The following PDZRN4 variants were observed in gnomAD, a reference collection of about 807,000 sequenced individuals.
The protein encoded by PDZRN4 is PDZ domain-containing RING finger protein 4.
Under a neutral mutation model 99.0 loss-of-function variants are expected in PDZRN4, and 70 were observed. The ratio of observed to expected loss-of-function variants is 0.71; its 90% CI spans 0.58 to 0.86. The LOEUF is 0.86. Among genes scored for constraint, PDZRN4 ranks in the 40% least tolerant of loss-of-function variants. The probability of loss-of-function intolerance (pLI) is 0.00; values close to 1 mark genes in which losing one functional copy is unlikely to be tolerated. For missense variants in PDZRN4, 1,474 were observed against 1,331.2 expected, an observed-to-expected ratio of 1.11 and a Z score of -1.67; for synonymous variants, 551 against 501.6, an observed-to-expected ratio of 1.10 and a Z score of -1.32.
At chr12:41,360,753 T>A (rs1951958086) in intron 3 of PDZRN4, among the ~76,000 whole-genome samples, 1 of 152,024 alleles carries the variant, frequency 6.6e-6, no homozygotes, top group African/African-American at 2.4e-5. Flanking sequence ...ACCTTTTATA[T>A]ATTATAGACC....
chr12:41,501,717 A>G (rs1463023887), intron 3 of PDZRN4, among the ~76,000 whole-genome samples: 2 of 152,168 alleles, frequency 1.3e-5, no homozygotes, highest in East Asian at 1.9e-4. Flanking sequence ...TAGAAACAGG[A>G]TAATTATTTT....
chr12:41,431,296 T>C lies in PDZRN4; in HGVS notation c.844-75160T>C, dbSNP rs1952584095. Among the ~76,000 whole-genome samples, 5 of 152,198 alleles carry C rather than the reference T, an allele frequency of 3.3e-5. No homozygotes were observed. In the South Asian group the frequency reaches 1.0e-3, roughly 32 times the overall value. Reference sequence around the variant, plus strand: ...ATTATCATCACAGCAAGTTCATCTCTTGCAATAATTGTATAGTAGGTGCTA... The same window carrying C: ...ATTATCATCACAGCAAGTTCATCTCCTGCAATAATTGTATAGTAGGTGCTA... On this transcript the variant is annotated intron_variant, in intron 3 of 9. Coordinates refer to ENST00000402685, the MANE Select transcript of PDZRN4 (RefSeq NM_001164595.2).
intron 3 of PDZRN4, among the ~76,000 whole-genome samples, chr12:41,418,373 T>A (rs943650703): frequency 1.3e-5 from 2 of 152,186 alleles, no homozygotes; most frequent in Non-Finnish European, 2.9e-5. Flanking sequence ...TGTATTGTGA[T>A]ATACATTTTC....
chr12:41,546,980 C>T (rs1351863013), intron 5 of PDZRN4, among the ~76,000 whole-genome samples: 1 of 152,158 alleles, frequency 6.6e-6, no homozygotes. Flanking sequence ...TCACAAATGG[C>T]CGTGGATAGT....
At chr12:41,427,598 T>C (rs1284631093) in intron 3 of PDZRN4, among the ~76,000 whole-genome samples, 1 of 152,180 alleles carries the variant, frequency 6.6e-6, no homozygotes, top group Non-Finnish European at 1.5e-5. Context: ...GGCCAGAATG[T>C]GTAATGCAAT....
rs1253683732 is a variant in PDZRN4, at chr12:41,194,126, A to G, written c.781A>G (p.Ile261Val). ...GACTGAAGGAATTTACGTTTCAAAA[A>G]TTTTAGAAAATGGACCTGCTGACAG... Reference protein sequence around the residue: ...TSTEGIYVSKILENGPADRAD... With the variant: ...TSTEGIYVSKVLENGPADRAD... The change falls in exon 3 of 10, where the codon ATT becomes GTT. Residue 261 changes from isoleucine (I) to valine (V), a missense_variant. By Grantham distance (29) the Ile-to-Val change is conservative. Transcript: ENST00000402685. The G allele has an allele frequency of 6.3e-7, 1 of 1,575,176 alleles. No homozygotes were observed. The highest frequency in any genetic ancestry group is 1.1e-5 in the South Asian group (1 of 90,560).
chr12:41,326,845 A>C (rs1011645409), intron 3 of PDZRN4, among the ~76,000 whole-genome samples: 9 of 152,214 alleles, frequency 5.9e-5, no homozygotes, highest in Admixed American at 1.3e-4. Context: ...AAATATCATT[A>C]GCTAAAGTGA....
chr12:41,489,671 C>T (rs1247157276), intron 3 of PDZRN4, among the ~76,000 whole-genome samples: 1 of 118,986 alleles, frequency 8.4e-6, no homozygotes, highest in Non-Finnish European at 1.7e-5. Flanking sequence ...CTGAGATTTC[C>T]AGGTTTTTTT....
At chr12:41,340,933 A>G (rs1283310660) in intron 3 of PDZRN4, among the ~76,000 whole-genome samples, 1 of 151,982 alleles carries the variant, frequency 6.6e-6, no homozygotes, top group Admixed American at 6.6e-5. Context: ...ACAGGCCAAT[A>G]TTACTGATGA....
chr12:41,572,933 G>A lies in PDZRN4; in HGVS notation c.2154G>A (p.Arg718=), dbSNP rs144411697. ...ATAACACCAGCATAGATATGCAAAG[G>A]GGAAAGCTAGATGACATCATGGAGC... The part of the protein sequence containing the change: ...RNYNTSIDMQ[R]GKLDDIMEHP... The change falls in exon 10 of 10, where the codon AGG becomes AGA. Residue 718 remains arginine, a synonymous_variant. Transcript: ENST00000402685. 1.1e-4 allele frequency: 175 copies of A among 1,614,056 alleles called. No individual in the cohort carries two copies. In the African/African-American group the frequency reaches 2.2e-3, roughly 20 times the overall value.
chr12:41,574,515 GT>G lies in PDZRN4; in HGVS notation c.*626del. The G allele has an allele frequency of 6.5e-6, 1 of 152,734 alleles. No homozygotes were observed. The highest frequency in any genetic ancestry group is 1.9e-4 in the East Asian group (1 of 5,182). The allele number at this position is 152,734 out of a possible 1,614,324, so 9.5% of individuals were successfully genotyped here. On this transcript the variant is annotated 3_prime_UTR_variant, in exon 10 of 10. Transcript: ENST00000402685. ...CTTCCTGTGATATGTAGTGACATTG[GT>G]CATGTAGCTAGATAATTATGGTAAT... is the stretch of plus-strand genomic sequence containing the variant.
chr12:41,448,960 G>A (rs967263194), intron 3 of PDZRN4, among the ~76,000 whole-genome samples: 38 of 152,102 alleles, frequency 2.5e-4, no homozygotes, highest in African/African-American at 8.9e-4. Context: ...TGCCCCAACT[G>A]GGCTCCTCTT....
At chr12:41,501,732 T>C (rs1938113675) in intron 3 of PDZRN4, among the ~76,000 whole-genome samples, 1 of 152,170 alleles carries the variant, frequency 6.6e-6, no homozygotes, top group Non-Finnish European at 1.5e-5. Flanking sequence ...TATTTTTGTA[T>C]CTAAAAATTT....
At chr12:41,269,620 A>G (rs1951300399) in intron 3 of PDZRN4, among the ~76,000 whole-genome samples, 1 of 152,210 alleles carries the variant, frequency 6.6e-6, no homozygotes, top group South Asian at 2.1e-4. Context: ...ACAGGGCATA[A>G]AGACATGGCC....
chr12:41,365,222 T>C (rs1237148847), intron 3 of PDZRN4, among the ~76,000 whole-genome samples: 1 of 152,126 alleles, frequency 6.6e-6, no homozygotes, highest in Non-Finnish European at 1.5e-5. Flanking sequence ...ATGCTATTCT[T>C]ATATGTGAAT....
At chr12:41,494,202 A>G (rs892541973) in intron 3 of PDZRN4, among the ~76,000 whole-genome samples, 4 of 152,160 alleles carry the variant, frequency 2.6e-5, no homozygotes, top group African/African-American at 9.7e-5. Context: ...AAATAGGAGA[A>G]TAAACTTCCC....
intron 5 of PDZRN4, among the ~76,000 whole-genome samples, chr12:41,524,440 A>G (rs1301892251): frequency 6.6e-6 from 1 of 152,190 alleles, no homozygotes; most frequent in African/African-American, 2.4e-5. Flanking sequence ...AACTGTTCAT[A>G]GTGGGTTAAT....
rs577181135 is a variant in PDZRN4, at chr12:41,415,078, C to T, written c.844-91378C>T. On this transcript the variant is annotated intron_variant, in intron 3 of 9. Coordinates refer to ENST00000402685, the MANE Select transcript of PDZRN4 (RefSeq NM_001164595.2). The stretch of plus-strand genomic sequence containing the variant: ...CCTTAAGACAGCCAGGAATTCAATA[C>T]AGATTTAAAGCAGGGATGTAGTATG... Among the ~76,000 whole-genome samples the T allele has an allele frequency of 1.7e-3, 264 of 152,156 alleles. 2 individuals carry two copies. The highest frequency in any genetic ancestry group is 5.9e-3 in the African/African-American group (245 of 41,526).
intron 3 of PDZRN4, among the ~76,000 whole-genome samples, chr12:41,323,333 C>T (rs966222647): frequency 6.6e-5 from 10 of 152,092 alleles, no homozygotes; most frequent in Admixed American, 3.3e-4. Flanking sequence ...AAATAATTTA[C>T]CTTCTTAGTA....
Sources: gnomAD v4.1 joint callset for allele counts (sites outside exome capture counted in the v4.1 genomes callset) on GRCh38, gnomAD v4.1.1 for gene constraint, MANE v1.5 for transcripts, NCBI Gene and HGNC (gene_info 2026-07-23, HGNC 2026-07-21) for gene names.